The following PDE8B variants were observed in gnomAD, a reference collection of about 807,000 sequenced individuals.
PDE8B encodes high affinity cAMP-specific and IBMX-insensitive 3',5'-cyclic phosphodiesterase 8B.
In PDE8B, 26 loss-of-function variants were observed where a neutral mutation model predicts 101.3. The observed-to-expected ratio is 0.26, with a 90% CI of 0.19 to 0.36. PDE8B has a LOEUF of 0.36. Among genes scored for constraint, PDE8B ranks in the 10% least tolerant of loss-of-function variants. PDE8B has a pLI of 1.00. For missense variants in PDE8B, 810 were observed against 1,163.1 expected (o/e 0.70, Z 4.42); for synonymous variants, 424 against 429.3 (o/e 0.99, Z 0.15).
At chr5:77,226,621 A>G (rs1258938897) in intron 1 of PDE8B, among the ~76,000 whole-genome samples, 3 of 152,260 alleles carry the variant, frequency 2.0e-5, no homozygotes, top group African/African-American at 7.2e-5. Context: ...GTTTTCCAGA[A>G]AGAATATATT....
the PDE8B span, among the ~76,000 whole-genome samples, chr5:77,190,559 A>G: frequency 6.6e-6 from 1 of 152,262 alleles, no homozygotes; most frequent in South Asian, 2.1e-4. Flanking sequence ...TGAGAAGCCA[A>G]GAGAAAGCAA....
chr5:77,287,201 A>G (rs1338639305), intron 1 of PDE8B, among the ~76,000 whole-genome samples: 2 of 152,004 alleles, frequency 1.3e-5, no homozygotes, highest in Non-Finnish European at 2.9e-5. Context: ...TCTAGTAACA[A>G]ATTCTCTGTT....
At chr5:77,399,546 A>T (rs1316720695) in intron 10 of PDE8B, among the ~76,000 whole-genome samples, 1 of 152,248 alleles carries the variant, frequency 6.6e-6, no homozygotes, top group Non-Finnish European at 1.5e-5. Flanking sequence ...AATAGAACTA[A>T]ATGTGCCCCA....
At chr5:77,238,718 A>G (rs778988818) in intron 1 of PDE8B, among the ~76,000 whole-genome samples, 2 of 152,256 alleles carry the variant, frequency 1.3e-5, no homozygotes, top group Non-Finnish European at 2.9e-5. Context: ...GAAATCTGGC[A>G]GTGCAGTTCT....
the PDE8B span, among the ~76,000 whole-genome samples, chr5:77,099,231 G>A: frequency 2.0e-5 from 3 of 152,126 alleles, no homozygotes; most frequent in South Asian, 2.1e-4. Flanking sequence ...TTATCCTGAG[G>A]TAGTTTTAGG....
At chr5:77,404,909 C>G (rs1581519500) in intron 12 of PDE8B, 112 bp downstream of exon 12, 1 of 709,246 alleles carries the variant, frequency 1.4e-6, no homozygotes, top group Non-Finnish European at 2.6e-6. Flanking sequence ...TTCAACAACA[C>G]CGACTTATTT....
the PDE8B span, among the ~76,000 whole-genome samples, chr5:77,157,080 C>T: frequency 5.9e-5 from 9 of 152,228 alleles, no homozygotes; most frequent in East Asian, 9.6e-4. Context: ...TTTCTTTAAT[C>T]GCCCCTCCAG....
the PDE8B span, among the ~76,000 whole-genome samples, chr5:77,181,855 C>T: frequency 6.6e-6 from 1 of 152,158 alleles, no homozygotes. Flanking sequence ...AACATTTACA[C>T]AAGGTCCCCA....
chr5:77,185,773 C>T, the PDE8B span, among the ~76,000 whole-genome samples: 275 of 152,134 alleles, frequency 1.8e-3, 9 homozygotes, highest in East Asian at 0.048. Flanking sequence ...TTTCTGAATT[C>T]CCTGGGTAAT....
chr5:77,218,703 ACAAG>A, intron 1 of PDE8B, among the ~76,000 whole-genome samples: 1 of 152,348 alleles, frequency 6.6e-6, no homozygotes, highest in East Asian at 1.9e-4. Context: ...ACAAAATGTG[ACAAG>A]CTCTGGTACA....
chr5:77,246,728 GA>G (rs1476745592), intron 1 of PDE8B: 2 of 152,304 alleles, frequency 1.3e-5, no homozygotes, highest in Non-Finnish European at 2.9e-5. Flanking sequence ...GCCCTTTACA[GA>G]AAAAGTTTGC....
chr5:77,097,711 A>ATATATATATATATATATATATATC, the PDE8B span, among the ~76,000 whole-genome samples: 1 of 35,420 alleles, frequency 2.8e-5, no homozygotes, highest in Non-Finnish European at 1.0e-4. Context: ...ATATATCTAT[A>ATATATATATATATATATATATATC]TATATATATA....
the PDE8B span, among the ~76,000 whole-genome samples, chr5:77,173,790 G>A: frequency 6.6e-6 from 1 of 152,040 alleles, no homozygotes; most frequent in African/African-American, 2.4e-5. Flanking sequence ...AGAAAGTGTA[G>A]CGGAGTTAAG....
In PDE8B at chr5:77,235,061, A is replaced by G. The variant is rs969641703; in HGVS notation, c.339+23797A>G. Among the ~76,000 whole-genome samples the G allele has an allele frequency of 1.5e-4, 23 of 152,128 alleles. 1 individual carries two copies. Among genetic ancestry groups the G allele is most frequent in the Non-Finnish European group, 3.1e-4 (21 of 68,026 alleles). On this transcript the variant is annotated intron_variant, in intron 1 of 21. Coordinates refer to ENST00000264917, the MANE Select transcript of PDE8B (RefSeq NM_003719.5). ...CCCTCCTGGTCTAAGTACAATTATC[A>G]TGGCCGTCATCTCACAGAGCAGCCC...
the PDE8B span, among the ~76,000 whole-genome samples, chr5:77,160,491 G>A: frequency 6.6e-6 from 1 of 151,992 alleles, no homozygotes; most frequent in Non-Finnish European, 1.5e-5. Context: ...GCTGTTCAAG[G>A]GTTAACTGTA....
chr5:77,101,698 C>T, the PDE8B span, among the ~76,000 whole-genome samples: 1 of 152,020 alleles, frequency 6.6e-6, no homozygotes, highest in Non-Finnish European at 1.5e-5. Context: ...TCATACATTT[C>T]GCCCATAAAG....
At chr5:77,419,580 G>T (rs1422357662) in intron 18 of PDE8B, among the ~76,000 whole-genome samples, 187 bp from the exon 19 acceptor site, 2 of 152,178 alleles carry the variant, frequency 1.3e-5, no homozygotes, top group Non-Finnish European at 2.9e-5. Context: ...TATCACTGGG[G>T]AAAATGGAAT....
intron 6 of PDE8B, 41 bp downstream of exon 6, chr5:77,337,356 C>A: frequency 9.9e-7 from 1 of 1,012,264 alleles, no homozygotes; most frequent in East Asian, 2.4e-5. Context: ...GTTAACAATT[C>A]TTTAGAAAAT....
chr5:77,210,534 A>T, upstream of PDE8B: 1 of 780,144 alleles, frequency 1.3e-6, no homozygotes, highest in Non-Finnish European at 1.5e-6. The surrounding 1 kb of genome is among the most constrained non-coding windows in gnomAD (Gnocchi z 4.9). Flanking sequence ...GCCCTGGCCC[A>T]GGGCCGCGGG....
Sources: gnomAD v4.1 joint callset for allele counts (sites outside exome capture counted in the v4.1 genomes callset) on GRCh38, gnomAD v4.1.1 for gene constraint, Gnocchi (gnomAD v3.1) non-coding constraint, MANE v1.5 for transcripts, NCBI Gene and HGNC (gene_info 2026-07-23, HGNC 2026-07-21) for gene names.